Variants in PPP1R12B observed in about 807,000 individuals in gnomAD.
PPP1R12B encodes the protein myosin phosphatase target subunit 2.
A neutral mutation model predicts 126.1 loss-of-function variants in PPP1R12B; 76 were observed. The observed-to-expected ratio is 0.60, with a 90% CI of 0.50 to 0.73. PPP1R12B has a LOEUF of 0.73. Among genes scored for constraint, PPP1R12B ranks in the 30% least tolerant of loss-of-function variants. The pLI is 0.00. For synonymous variants in PPP1R12B, 356 were observed against 434.7 expected, an observed-to-expected ratio of 0.82 and a Z score of 2.25; for missense variants, 1,052 against 1,205.1, an observed-to-expected ratio of 0.87 and a Z score of 1.88.
intron 18 of PPP1R12B, among the ~76,000 whole-genome samples, chr1:202,506,142 G>A (rs1680778761): frequency 6.6e-6 from 1 of 152,206 alleles, no homozygotes; most frequent in Admixed American, 6.5e-5. Flanking sequence ...CTGTATGTGG[G>A]AAGCTGCCTG....
chr1:202,483,150 TGTA>T (rs1397132674), intron 13 of PPP1R12B, among the ~76,000 whole-genome samples: 1 of 152,200 alleles, frequency 6.6e-6, no homozygotes, highest in Non-Finnish European at 1.5e-5. Context: ...ATTATACATT[TGTA>T]GTATATTTTT....
At chr1:202,548,808 C>CTATATATATATATATATA (rs370219273) in intron 18 of PPP1R12B, among the ~76,000 whole-genome samples, 1 of 72,970 alleles carries the variant, frequency 1.4e-5, no homozygotes, top group East Asian at 4.9e-4. Context: ...CTCTCTCTCT[C>CTATATATATATATATATA]TATATATATA....
At chr1:202,360,816 T>C (rs1386304556) in intron 1 of PPP1R12B, among the ~76,000 whole-genome samples, 1 of 152,022 alleles carries the variant, frequency 6.6e-6, no homozygotes, top group Non-Finnish European at 1.5e-5. Context: ...GTAGTACCCT[T>C]CGTATGTAAA....
rs1198495261 is a variant in PPP1R12B at position 202,592,581 on chromosome 1, G to A, written c.*12021G>A. ...CAAGATTCTGTTCATATGTTTCTAG[G>A]TAATTATCTTCTTTTATATATAATT... On this transcript the variant is annotated 3_prime_UTR_variant, in exon 24 of 24. Transcript: ENST00000608999. The A allele has an allele frequency of 6.6e-6, 1 of 152,214 alleles. No homozygotes were observed. The highest frequency in any genetic ancestry group is 6.5e-5 in the Admixed American group (1 of 15,282). The allele number at this position is 152,214 out of a possible 1,614,324, so 9.4% of individuals were successfully genotyped here. A position where few individuals can be genotyped will look rare whatever the true frequency, so the allele number is the denominator to read the frequency against.
intron 13 of PPP1R12B, among the ~76,000 whole-genome samples, chr1:202,479,449 C>G (rs1405902263): frequency 1.3e-5 from 2 of 152,192 alleles, no homozygotes; most frequent in Non-Finnish European, 2.9e-5. Context: ...ACATTTGGCT[C>G]TACTTTTCCC....
intron 18 of PPP1R12B, among the ~76,000 whole-genome samples, chr1:202,556,025 G>A (rs1686893876): frequency 6.6e-6 from 1 of 151,920 alleles, no homozygotes; most frequent in African/African-American, 2.4e-5. Flanking sequence ...ACAAGCATGT[G>A]CCACCATACC....
intron 18 of PPP1R12B, among the ~76,000 whole-genome samples, chr1:202,513,465 G>A (rs1439435593): frequency 6.6e-6 from 1 of 152,166 alleles, no homozygotes; most frequent in Non-Finnish European, 1.5e-5. Context: ...TTTTGGACAT[G>A]CTGAGTTCAA....
Position 202,434,742 on chromosome 1 carries a change from A to G in PPP1R12B, c.1228A>G (p.Thr410Ala). 6.2e-7 allele frequency: 1 copy of G among 1,613,772 alleles called. No homozygotes were observed. Among genetic ancestry groups the G allele is most frequent in the Middle Eastern group, 1.6e-4 (1 of 6,062 alleles). Residue 410 changes from threonine to alanine, a missense_variant, in exon 9 of 24, where the codon ACC (threonine) becomes GCC (alanine). Thr to Ala is a moderately conservative substitution (Grantham distance 58, BLOSUM62 0). Coordinates refer to ENST00000608999, the MANE Select transcript of PPP1R12B (RefSeq NM_002481.4). ...GCAGATACCAGCACCAGCTCAAAAT[A>G]CCTTCTCTGCCTCTTCTGCTAGGAG... is the stretch of plus-strand genomic sequence containing the variant. Reference protein sequence around the residue: ...TEQIPAPAQNTFSASSARRFS... With the variant: ...TEQIPAPAQNAFSASSARRFS...
chr1:202,495,760 G>GT, intron 17 of PPP1R12B, 78 bp downstream of exon 17: 2 of 1,246,550 alleles, frequency 1.6e-6, no homozygotes, highest in Non-Finnish European at 2.3e-6. Context: ...AAAAGAAAGA[G>GT]TCCCGCATGG....
chr1:202,485,207 G>A (rs916716258), intron 13 of PPP1R12B, among the ~76,000 whole-genome samples: 7 of 152,316 alleles, frequency 4.6e-5, no homozygotes, highest in South Asian at 2.1e-4. Flanking sequence ...GGGTTCAAGA[G>A]CAGAGGTCTC....
intron 13 of PPP1R12B, among the ~76,000 whole-genome samples, chr1:202,476,226 T>C (rs1377402010): frequency 6.7e-6 from 1 of 149,256 alleles, no homozygotes; most frequent in Non-Finnish European, 1.5e-5. Flanking sequence ...AAAAAAGATA[T>C]AGTTCAATGA....
chr1:202,559,023 C>T, intron 19 of PPP1R12B, 130 bp downstream of exon 19: 2 of 981,078 alleles, frequency 2.0e-6, no homozygotes, highest in Non-Finnish European at 2.9e-6. Context: ...TTTCCACAGC[C>T]ACCACAATAA....
At chr1:202,459,073 A>G (rs536646876) in intron 13 of PPP1R12B, among the ~76,000 whole-genome samples, 4 of 152,340 alleles carry the variant, frequency 2.6e-5, no homozygotes, top group East Asian at 1.9e-4. Context: ...CAATTGGCCA[A>G]TGATCAGTCT....
intron 18 of PPP1R12B, among the ~76,000 whole-genome samples, chr1:202,535,342 GT>G (rs893518969): frequency 1.3e-5 from 2 of 151,696 alleles, no homozygotes; most frequent in African/African-American, 2.4e-5. Context: ...TGCCATTTAG[GT>G]TTTTTTAATT....
chr1:202,567,494 A>C (rs1335492738), intron 21 of PPP1R12B: 3 of 393,738 alleles, frequency 7.6e-6, no homozygotes, highest in Non-Finnish European at 1.4e-5. Context: ...GTGGAGAGAG[A>C]GAGAGAGAGA....
intron 12 of PPP1R12B, among the ~76,000 whole-genome samples, chr1:202,443,393 G>C (rs536453922): frequency 6.0e-4 from 92 of 152,304 alleles, no homozygotes; most frequent in African/African-American, 2.0e-3. Context: ...CTTAGAAACA[G>C]GCCCTGGCCT....
chr1:202,588,903 GTA>G lies in PPP1R12B; in HGVS notation c.*8348_*8349del, dbSNP rs1452866965. ...GGTTCCAAGCTTCAAGTAACCAAGAGTATATACGGTTATTTCTTGGAAGACAC... is the reference window on the plus strand; with the variant it reads ...GGTTCCAAGCTTCAAGTAACCAAGAGTATACGGTTATTTCTTGGAAGACAC... On this transcript the variant is annotated 3_prime_UTR_variant, in exon 24 of 24. Transcript: ENST00000608999. 1 of 151,596 alleles carries G rather than the reference GTA, an allele frequency of 6.6e-6. No homozygotes were observed. The highest frequency in any genetic ancestry group is 2.4e-5 in the African/African-American group (1 of 41,204). 9.4% of individuals were successfully genotyped at this position (151,596 alleles called of 1,614,324 possible). A position where few individuals can be genotyped will look rare whatever the true frequency, so the allele number is the denominator to read the frequency against.
At chr1:202,541,389 G>T (rs1401326584) in intron 18 of PPP1R12B, among the ~76,000 whole-genome samples, 4 of 152,196 alleles carry the variant, frequency 2.6e-5, no homozygotes, top group African/African-American at 4.8e-5. Context: ...TTATTCACAA[G>T]TTTTTGTGAG....
chr1:202,550,358 C>G (rs776155918), intron 18 of PPP1R12B, among the ~76,000 whole-genome samples: 5 of 152,136 alleles, frequency 3.3e-5, no homozygotes, highest in Non-Finnish European at 5.9e-5. Context: ...AAGCTTACTT[C>G]CTAAATAGGT....
Sources: gnomAD v4.1 joint callset for allele counts (sites outside exome capture counted in the v4.1 genomes callset) on GRCh38, gnomAD v4.1.1 for gene constraint, MANE v1.5 for transcripts, NCBI Gene and HGNC (gene_info 2026-07-23, HGNC 2026-07-21) for gene names.